The following PTPRD variants were observed in gnomAD, a reference collection of about 807,000 sequenced individuals.
The protein encoded by PTPRD is protein tyrosine phosphatase receptor type D.
PTPRD carries 34 observed loss-of-function variants against 214.5 expected under a neutral mutation model. The ratio of observed to expected loss-of-function variants is 0.16; its 90% CI spans 0.12 to 0.21. The LOEUF (loss-of-function observed/expected upper bound fraction) is 0.21, where lower values mean the gene tolerates loss of function less well. Ranked by LOEUF, PTPRD falls within the 10% of genes least tolerant of loss-of-function variation. The pLI is 1.00. For missense variants in PTPRD, 2,545 were observed against 2,398.7 expected (o/e 1.06, Z -1.27); for synonymous variants, 1,128 against 845.7 (o/e 1.33, Z -5.79).
intron 10 of PTPRD, among the ~76,000 whole-genome samples, chr9:9,165,891 T>C (rs1393106696): frequency 2.6e-5 from 4 of 152,158 alleles, no homozygotes; most frequent in African/African-American, 4.8e-5. Flanking sequence ...GTACAAATTA[T>C]AAAATGTAAT....
chr9:9,877,519 A>G (rs908043525), intron 5 of PTPRD, among the ~76,000 whole-genome samples: 1 of 152,134 alleles, frequency 6.6e-6, no homozygotes, highest in South Asian at 2.1e-4. Flanking sequence ...CATGACTCCT[A>G]TGATCAAAGT....
chr9:9,711,557 C>A (rs2154424592), intron 7 of PTPRD, among the ~76,000 whole-genome samples: 1 of 152,160 alleles, frequency 6.6e-6, no homozygotes, highest in Middle Eastern at 3.4e-3. Context: ...AGAGATGGGA[C>A]ATATACTGAG....
At chr9:8,587,037 C>A (rs2093713520) in intron 14 of PTPRD, among the ~76,000 whole-genome samples, 1 of 152,036 alleles carries the variant, frequency 6.6e-6, no homozygotes, top group Non-Finnish European at 1.5e-5. Context: ...GTAGTCCCAG[C>A]TACTCGGGAG....
At chr9:9,952,572 T>G (rs1403345832) in intron 4 of PTPRD, among the ~76,000 whole-genome samples, 1 of 152,086 alleles carries the variant, frequency 6.6e-6, no homozygotes, top group African/African-American at 2.4e-5. Context: ...GAATCCAGAG[T>G]ACAATGATTG....
At chr9:10,545,963 C>T (rs2060085919) in intron 2 of PTPRD, among the ~76,000 whole-genome samples, 1 of 152,114 alleles carries the variant, frequency 6.6e-6, no homozygotes, top group South Asian at 2.1e-4. Context: ...GGAATGAATG[C>T]ATCTTAGCAC....
chr9:9,421,002 T>G (rs1345373392), intron 8 of PTPRD, among the ~76,000 whole-genome samples: 2 of 151,976 alleles, frequency 1.3e-5, no homozygotes, highest in African/African-American at 4.8e-5. Flanking sequence ...GTGCATGCCT[T>G]GTCCATAATA....
chr9:9,352,333 G>C (rs912568038), intron 9 of PTPRD, among the ~76,000 whole-genome samples: 1 of 143,356 alleles, frequency 7.0e-6, no homozygotes, highest in Non-Finnish European at 1.5e-5. Flanking sequence ...ATATATGTGT[G>C]TGTGTGTGTG....
At chr9:10,588,019 T>C (rs1266661933) in intron 2 of PTPRD, among the ~76,000 whole-genome samples, 1 of 152,062 alleles carries the variant, frequency 6.6e-6, no homozygotes, top group Non-Finnish European at 1.5e-5. Flanking sequence ...CAGTACCAAG[T>C]AGCTAATTGA....
chr9:9,882,506 T>G (rs976489743), intron 5 of PTPRD, among the ~76,000 whole-genome samples: 1 of 152,172 alleles, frequency 6.6e-6, no homozygotes, highest in South Asian at 2.1e-4. Flanking sequence ...AAAAGGGCTC[T>G]ACTTTAGAAG....
intron 2 of PTPRD, among the ~76,000 whole-genome samples, chr9:10,367,800 T>C (rs1399896697): frequency 1.3e-5 from 2 of 152,104 alleles, no homozygotes; most frequent in African/African-American, 4.8e-5. Flanking sequence ...GTATCTACTC[T>C]AAATTCAGAC....
intron 14 of PTPRD, among the ~76,000 whole-genome samples, chr9:8,601,084 A>C (rs2154276999): frequency 6.6e-6 from 1 of 152,234 alleles, no homozygotes; most frequent in Middle Eastern, 3.4e-3. Flanking sequence ...TTAGGCCTTA[A>C]GTGAACACTG....
intron 7 of PTPRD, among the ~76,000 whole-genome samples, chr9:9,659,679 C>T (rs1041856805): frequency 6.6e-6 from 1 of 151,936 alleles, no homozygotes; most frequent in Non-Finnish European, 1.5e-5. Flanking sequence ...ATAAATAGTA[C>T]AATAAAAAGT....
chr9:9,043,862 C>G (rs371503416), intron 10 of PTPRD, among the ~76,000 whole-genome samples: 1 of 150,376 alleles, frequency 6.6e-6, no homozygotes, highest in Admixed American at 6.7e-5. Context: ...TGAGATCGCA[C>G]CACTGTACTC....
intron 3 of PTPRD, among the ~76,000 whole-genome samples, chr9:10,298,788 T>G (rs554363409): frequency 1.2e-3 from 188 of 152,206 alleles, no homozygotes; most frequent in South Asian, 1.9e-3. Context: ...TGAAAGGCAT[T>G]CTCTACTAGT....
intron 3 of PTPRD, among the ~76,000 whole-genome samples, chr9:10,066,396 C>T (rs950612884): frequency 6.6e-6 from 1 of 151,726 alleles, no homozygotes; most frequent in African/African-American, 2.4e-5. Flanking sequence ...GGCCCTTTAA[C>T]CACTTCACTA....
intron 14 of PTPRD, among the ~76,000 whole-genome samples, chr9:8,612,460 G>A (rs1225876430): frequency 6.6e-6 from 1 of 152,196 alleles, no homozygotes; most frequent in East Asian, 1.9e-4. Flanking sequence ...TAGATCATTT[G>A]AGAGGCTGTA....
intron 9 of PTPRD, among the ~76,000 whole-genome samples, chr9:9,201,166 C>T (rs2099941625): frequency 6.6e-6 from 1 of 151,882 alleles, no homozygotes; most frequent in African/African-American, 2.4e-5. Context: ...AAGCAACATA[C>T]AAAATTGCTG....
At chr9:10,033,403 G>A (rs1444211946) in intron 4 of PTPRD, among the ~76,000 whole-genome samples, 1 of 151,552 alleles carries the variant, frequency 6.6e-6, no homozygotes, top group Non-Finnish European at 1.5e-5. Context: ...GTGAGCCAAG[G>A]TGTCAATATA....
intron 2 of PTPRD, among the ~76,000 whole-genome samples, chr9:10,553,247 T>G (rs1474747256): frequency 2.6e-5 from 4 of 152,138 alleles, no homozygotes; most frequent in African/African-American, 9.7e-5. Flanking sequence ...TGAGCATATC[T>G]TAGATCCTAG....
Sources: allele counts gnomAD v4.1 joint callset (sites outside exome capture counted in the v4.1 genomes callset), GRCh38; gene constraint gnomAD v4.1.1; transcripts MANE v1.5; gene names NCBI Gene and HGNC (gene_info 2026-07-23, HGNC 2026-07-21).